The following FER1L6 variants were observed in gnomAD, a reference collection of about 807,000 sequenced individuals.
FER1L6 encodes fer-1 like family member 6.
A neutral mutation model predicts 219.2 loss-of-function variants in FER1L6; 177 were observed. The ratio of observed to expected loss-of-function variants is 0.81; its 90% CI spans 0.71 to 0.91. FER1L6 has a LOEUF of 0.91. FER1L6 is among the 40% of genes least tolerant of loss of function. FER1L6 has a pLI of 0.00. For missense variants in FER1L6, 2,153 were observed against 2,259.9 expected (o/e 0.95, Z 0.96); for synonymous variants, 768 against 824.3 (o/e 0.93, Z 1.17).
chr8:124,011,956 T>G (rs1031116016), intron 14 of FER1L6, among the ~76,000 whole-genome samples: 4 of 152,244 alleles, frequency 2.6e-5, no homozygotes, highest in Non-Finnish European at 5.9e-5. Context: ...TATTTTATAC[T>G]GTAAACAGTG....
rs543890581 is a variant in FER1L6, at chr8:124,013,977, C to T, written c.1922+446C>T. 7.2e-5 allele frequency among the ~76,000 whole-genome samples: 11 copies of T among 152,050 alleles called. No homozygotes were observed. The South Asian group carries it at 1.2e-3, about 17-fold the overall frequency. ...ACTATTTTCAGTGAAATATACTATT[C>T]AGTGAGCCTGAATAGTATATTTGAA... is the stretch of plus-strand genomic sequence containing the variant. On this transcript the variant is annotated intron_variant, in intron 15 of 40. Coordinates refer to ENST00000522917, the MANE Select transcript of FER1L6 (RefSeq NM_001039112.2).
intron 13 of FER1L6, among the ~76,000 whole-genome samples, chr8:124,003,854 C>T (rs1817536069): frequency 1.3e-5 from 2 of 152,062 alleles, no homozygotes; most frequent in South Asian, 2.1e-4. Flanking sequence ...TCTTTAGCAA[C>T]ATGACAACCC....
Position 124,027,647 on chromosome 8 carries a change from A to G in FER1L6, c.2286+4051A>G, listed in dbSNP as rs552740336. ...AAATCACAGCTCACTGTAGCCTTGA[A>G]CTCCTAGGCTCAAGCAATCCTCCCA... On this transcript the variant is annotated intron_variant, in intron 18 of 40. Coordinates refer to ENST00000522917, the MANE Select transcript of FER1L6 (RefSeq NM_001039112.2). Among the ~76,000 whole-genome samples the G allele has an allele frequency of 2.6e-5, 4 of 152,042 alleles. No homozygotes were observed. The East Asian group carries it at 7.7e-4, about 29-fold the overall frequency.
chr8:124,113,342 T>C (rs754045419), intron 39 of FER1L6, among the ~76,000 whole-genome samples: 1 of 152,152 alleles, frequency 6.6e-6, no homozygotes, highest in Non-Finnish European at 1.5e-5. Flanking sequence ...TATATTTGAG[T>C]ATTTGTATGT....
chr8:123,986,627 G>A lies in FER1L6; in HGVS notation c.1519+451G>A, dbSNP rs182469912. 3.2e-3 allele frequency among the ~76,000 whole-genome samples: 484 copies of A among 151,280 alleles called. 10 individuals are homozygous for A. The highest frequency in any genetic ancestry group is 0.025 in the Admixed American group (382 of 15,162). The stretch of plus-strand genomic sequence containing the variant: ...TCTTATTCTATTGAACTCTATTTTT[G>A]TACCCATTAACCATCTGCACTTCTC... On this transcript the variant is annotated intron_variant, in intron 12 of 40. Coordinates refer to ENST00000522917, the MANE Select transcript of FER1L6 (RefSeq NM_001039112.2).
At chr8:123,889,836 A>C (rs1812607954) in intron 1 of FER1L6, among the ~76,000 whole-genome samples, 1 of 152,068 alleles carries the variant, frequency 6.6e-6, no homozygotes, top group Admixed American at 6.6e-5. Flanking sequence ...TTATAAAGAA[A>C]AGAAAATTTA....
chr8:124,054,496 C>T (rs1820193074), intron 22 of FER1L6, among the ~76,000 whole-genome samples: 2 of 152,138 alleles, frequency 1.3e-5, no homozygotes, highest in South Asian at 4.2e-4. Flanking sequence ...CATTTTTTCA[C>T]GATAAGTGTT....
At chr8:124,052,246 T>C (rs1345199908) in intron 22 of FER1L6, among the ~76,000 whole-genome samples, 1 of 152,144 alleles carries the variant, frequency 6.6e-6, no homozygotes, top group East Asian at 1.9e-4. Flanking sequence ...TAAATAGTGT[T>C]GGATTGATAT....
intron 1 of FER1L6, among the ~76,000 whole-genome samples, chr8:123,933,021 C>T (rs1289701111): frequency 1.3e-5 from 2 of 152,190 alleles, no homozygotes; most frequent in Admixed American, 6.5e-5. Context: ...CCTCTGTGAG[C>T]CCCAGGTTTT....
chr8:124,027,247 T>G (rs995793558), intron 18 of FER1L6, among the ~76,000 whole-genome samples: 43 of 152,216 alleles, frequency 2.8e-4, no homozygotes, highest in African/African-American at 1.0e-3. Flanking sequence ...GGACCACAAT[T>G]CAACCCATAA....
At chr8:123,942,986 G>A (rs771947124) in intron 1 of FER1L6, among the ~76,000 whole-genome samples, 12 of 152,316 alleles carry the variant, frequency 7.9e-5, no homozygotes, top group Non-Finnish European at 1.2e-4. Context: ...CAGCAGGCTG[G>A]AGGGCTGGAG....
intron 13 of FER1L6, among the ~76,000 whole-genome samples, chr8:124,006,398 C>A (rs1023438941): frequency 2.0e-5 from 3 of 152,148 alleles, no homozygotes; most frequent in Non-Finnish European, 4.4e-5. Context: ...TCTGTACATT[C>A]TTCAGTCACC....
intron 1 of FER1L6, among the ~76,000 whole-genome samples, chr8:123,865,689 C>T (rs1360308368): frequency 2.0e-5 from 3 of 151,194 alleles, no homozygotes; most frequent in East Asian, 1.9e-4. Flanking sequence ...CGTGGTGAGC[C>T]GTTTTTTAAG....
chr8:124,098,452 T>C (rs980180972), intron 37 of FER1L6, among the ~76,000 whole-genome samples: 1 of 152,252 alleles, frequency 6.6e-6, no homozygotes, highest in Non-Finnish European at 1.5e-5. Context: ...CTCAGCCTTA[T>C]GCTAATATCT....
intron 6 of FER1L6, among the ~76,000 whole-genome samples, 192 bp downstream of exon 6, chr8:123,970,289 A>G (rs1464316324): frequency 6.6e-6 from 1 of 152,202 alleles, no homozygotes; most frequent in Non-Finnish European, 1.5e-5. Context: ...AACCACTTTA[A>G]GAAGATCTAT....
chr8:123,865,356 G>C (rs1376604733), intron 1 of FER1L6, among the ~76,000 whole-genome samples: 1 of 149,758 alleles, frequency 6.7e-6, no homozygotes, highest in Non-Finnish European at 1.5e-5. Context: ...CTCCAGCTGC[G>C]TGCTGGGAGA....
intron 12 of FER1L6, among the ~76,000 whole-genome samples, chr8:123,999,952 G>A (rs1327065300): frequency 6.6e-6 from 1 of 152,182 alleles, no homozygotes; most frequent in South Asian, 2.1e-4. Flanking sequence ...ATAGCACCAG[G>A]ACTTTTCCAG....
intron 13 of FER1L6, among the ~76,000 whole-genome samples, chr8:124,005,360 C>A (rs1460190249): frequency 6.6e-6 from 1 of 152,242 alleles, no homozygotes; most frequent in Non-Finnish European, 1.5e-5. Flanking sequence ...TCCACAAATT[C>A]TTTCTTCTAT....
chr8:123,936,642 C>T (rs558891540), intron 1 of FER1L6, among the ~76,000 whole-genome samples: 1 of 152,184 alleles, frequency 6.6e-6, no homozygotes, highest in Non-Finnish European at 1.5e-5. Flanking sequence ...TGTCAAAAGT[C>T]ACACTCCAGG....
Sources: allele counts gnomAD v4.1 joint callset (sites outside exome capture counted in the v4.1 genomes callset), GRCh38; gene constraint gnomAD v4.1.1; transcripts MANE v1.5; gene names NCBI Gene and HGNC (gene_info 2026-07-23, HGNC 2026-07-21).